Variants in CSPP1 observed in about 807,000 individuals in gnomAD.
The protein encoded by CSPP1 is centrosome and spindle pole-associated protein 1.
A neutral mutation model predicts 164.4 loss-of-function variants in CSPP1; 126 were observed. The ratio of observed to expected loss-of-function variants is 0.77; its 90% CI spans 0.66 to 0.89. CSPP1 has a LOEUF of 0.89. Ranked by LOEUF, CSPP1 falls within the 40% of genes least tolerant of loss-of-function variation. CSPP1 has a pLI of 0.00. For synonymous variants in CSPP1, 472 were observed against 476.7 expected (o/e 0.99, Z 0.13); for missense variants, 1,395 against 1,449.8 (o/e 0.96, Z 0.61).
intron 8 of CSPP1, among the ~76,000 whole-genome samples, chr8:67,105,373 ATGTTTTTGTTTT>A (rs898356568): frequency 2.6e-5 from 4 of 151,874 alleles, no homozygotes; most frequent in African/African-American, 9.7e-5. Flanking sequence ...AGCAAGCTGA[ATGTTTTTGTTTT>A]TGTTTTTGTT....
intron 9 of CSPP1, among the ~76,000 whole-genome samples, chr8:67,108,753 A>G (rs1816189789): frequency 6.6e-6 from 1 of 152,166 alleles, no homozygotes; most frequent in Non-Finnish European, 1.5e-5. Flanking sequence ...GCCCAGGATG[A>G]TAGCTAAACT....
Position 67,157,196 on chromosome 8 carries a change from G to C in CSPP1, c.2242-1251G>C, listed in dbSNP as rs150817100. On this transcript the variant is annotated intron_variant, in intron 19 of 30. Transcript: ENST00000678616. ...ATTGCATGCAAATTGCTAACTAAAA[G>C]TACTAAATATTAGGCTTATGCATAT... 5.8e-4 allele frequency among the ~76,000 whole-genome samples: 89 copies of C among 152,162 alleles called. 1 individual carries two copies. The highest frequency in any genetic ancestry group is 1.1e-3 in the Non-Finnish European group (74 of 68,002).
chr8:67,112,180 C>T, intron 10 of CSPP1, 115 bp downstream of exon 10: 1 of 498,456 alleles, frequency 2.0e-6, no homozygotes, highest in Non-Finnish European at 3.5e-6. Flanking sequence ...TTGTAAATCA[C>T]TTATATTTTC....
chr8:67,099,393 G>A lies in CSPP1; in HGVS notation c.924-3644G>A, dbSNP rs1254783064. The A allele has an allele frequency of 2.0e-5, 3 of 152,182 alleles. No individual in the cohort carries two copies. The East Asian group carries it at 5.8e-4, about 29-fold the overall frequency. The allele number at this position is 152,182 out of a possible 1,614,324, so 9.4% of individuals were successfully genotyped here. A position where few individuals can be genotyped will look rare whatever the true frequency, so the allele number is the denominator to read the frequency against. On this transcript the variant is annotated intron_variant, in intron 7 of 30. Transcript: ENST00000678616. Reference sequence around the variant, plus strand: ...ACCTGGTTAGTAATTTGGTGGGAGAGTATTTAGATAGATTACTTTTGGGTC... The same window carrying A: ...ACCTGGTTAGTAATTTGGTGGGAGAATATTTAGATAGATTACTTTTGGGTC...
At chr8:67,194,993 AAAAG>A (rs369818710) in intron 30 of CSPP1, among the ~76,000 whole-genome samples, 5 of 152,326 alleles carry the variant, frequency 3.3e-5, no homozygotes, top group South Asian at 2.1e-4. Context: ...ATAAAAAGAA[AAAAG>A]AAAGAAATTT....
At chr8:67,130,920 G>A (rs371476671) in intron 15 of CSPP1, among the ~76,000 whole-genome samples, 7 of 152,116 alleles carry the variant, frequency 4.6e-5, no homozygotes, top group African/African-American at 9.7e-5. Flanking sequence ...CCCGGGAGGC[G>A]GATGTTGCAG....
intron 9 of CSPP1, among the ~76,000 whole-genome samples, chr8:67,109,167 G>A (rs1375592798): frequency 6.6e-6 from 1 of 152,184 alleles, no homozygotes; most frequent in African/African-American, 2.4e-5. Context: ...AGGCTTGAGT[G>A]GGGCAGAATC....
At chr8:67,173,917 A>T (rs1831002789) in intron 25 of CSPP1, 1 of 152,202 alleles carries the variant, frequency 6.6e-6, no homozygotes, top group East Asian at 1.9e-4. Context: ...TTGGCCAGAG[A>T]CTACATGACA....
At chr8:67,078,106 T>C (rs572205939) in intron 3 of CSPP1, among the ~76,000 whole-genome samples, 1 of 152,262 alleles carries the variant, frequency 6.6e-6, no homozygotes, top group South Asian at 2.1e-4. Flanking sequence ...AAAAGTTTAA[T>C]AGTAGGTTAT....
chr8:67,181,320 G>A (rs905009526), intron 28 of CSPP1, among the ~76,000 whole-genome samples: 2 of 148,536 alleles, frequency 1.3e-5, no homozygotes, highest in Non-Finnish European at 3.0e-5. Flanking sequence ...TTACAGGCAT[G>A]AGCCACTGTA....
intron 16 of CSPP1, among the ~76,000 whole-genome samples, chr8:67,132,551 G>A (rs1472142367): frequency 1.3e-5 from 2 of 152,174 alleles, no homozygotes; most frequent in Non-Finnish European, 2.9e-5. Context: ...TTGTGATTTG[G>A]ACAATTGGGA....
chr8:67,166,120 C>T (rs958395138), intron 24 of CSPP1, among the ~76,000 whole-genome samples: 13 of 152,058 alleles, frequency 8.5e-5, no homozygotes, highest in Non-Finnish European at 1.0e-4. Context: ...TTGACATGTC[C>T]CCATCCTTTT....
intron 1 of CSPP1, among the ~76,000 whole-genome samples, chr8:67,065,151 T>G (rs1805280924): frequency 6.6e-6 from 1 of 152,176 alleles, no homozygotes; most frequent in Non-Finnish European, 1.5e-5. Context: ...TAAAACTTAT[T>G]TAATCTTCAC....
intron 24 of CSPP1, among the ~76,000 whole-genome samples, chr8:67,172,151 A>G (rs1037452271): frequency 6.9e-6 from 1 of 145,024 alleles, no homozygotes; most frequent in Non-Finnish European, 1.5e-5. Context: ...GCCTGGCCTC[A>G]TAATTTTTTT....
intron 19 of CSPP1, among the ~76,000 whole-genome samples, chr8:67,154,681 A>G (rs1237895640): frequency 2.6e-5 from 4 of 151,928 alleles, no homozygotes; most frequent in Non-Finnish European, 5.9e-5. Flanking sequence ...TTGTATTTTT[A>G]ATAGAGACGG....
intron 1 of CSPP1, among the ~76,000 whole-genome samples, chr8:67,070,530 GGT>G (rs1415983180): frequency 6.6e-6 from 1 of 150,812 alleles, no homozygotes; most frequent in Non-Finnish European, 1.5e-5. Context: ...CAGTGATTCT[GGT>G]GGCCAACATG....
intron 28 of CSPP1, 64 bp from the exon 29 acceptor site, chr8:67,190,586 G>T: frequency 8.1e-7 from 1 of 1,237,754 alleles, no homozygotes; most frequent in Non-Finnish European, 1.2e-6. Flanking sequence ...AAGGCTCTTG[G>T]TTTAGCTCTG....
In CSPP1 at chr8:67,196,139, G is replaced by A. The variant is rs781011183; in HGVS notation, c.*546G>A. On this transcript the variant is annotated 3_prime_UTR_variant, in exon 31 of 31. Transcript: ENST00000678616. Reference sequence around the variant, plus strand: ...TTACTTGTATTTTTGTAAGCCATACGTTAAATGTTTGTTACATCATCTTTC... The same window carrying A: ...TTACTTGTATTTTTGTAAGCCATACATTAAATGTTTGTTACATCATCTTTC... The A allele has an allele frequency of 6.6e-6, 1 of 152,338 alleles. No individual in the cohort carries two copies. Among genetic ancestry groups the A allele is most frequent in the Non-Finnish European group, 1.5e-5 (1 of 68,198 alleles). The allele number at this position is 152,338 out of a possible 1,614,324, so 9.4% of individuals were successfully genotyped here.
intron 3 of CSPP1, among the ~76,000 whole-genome samples, chr8:67,080,710 T>C (rs1021959226): frequency 1.3e-5 from 2 of 152,254 alleles, no homozygotes; most frequent in Non-Finnish European, 2.9e-5. Context: ...GCTGTACTTA[T>C]GGTCACAGTT....
Sources: gnomAD v4.1 joint callset for allele counts (sites outside exome capture counted in the v4.1 genomes callset) on GRCh38, gnomAD v4.1.1 for gene constraint, MANE v1.5 for transcripts, NCBI Gene and HGNC (gene_info 2026-07-23, HGNC 2026-07-21) for gene names.